The following SHANK2 variants were observed in gnomAD, a reference collection of about 807,000 sequenced individuals.
The protein encoded by SHANK2 is SH3 and multiple ankyrin repeat domains protein 2.
A neutral mutation model predicts 133.7 loss-of-function variants in SHANK2; 43 were observed. The ratio of observed to expected loss-of-function variants is 0.32; its 90% CI spans 0.25 to 0.41. SHANK2 has a LOEUF of 0.41. Ranked by LOEUF, SHANK2 falls within the 10% of genes least tolerant of loss-of-function variation. SHANK2 has a pLI of 1.00. For synonymous variants in SHANK2, 1,017 were observed against 952.8 expected, an observed-to-expected ratio of 1.07 and a Z score of -1.24; for missense variants, 1,994 against 2,235.8, an observed-to-expected ratio of 0.89 and a Z score of 2.18.
intron 14 of SHANK2, among the ~76,000 whole-genome samples, chr11:70,718,536 T>C (rs1184266735): frequency 6.6e-6 from 1 of 152,142 alleles, no homozygotes; most frequent in Non-Finnish European, 1.5e-5. Context: ...CAGTCCACCC[T>C]GCATCAGGGT....
intron 10 of SHANK2, among the ~76,000 whole-genome samples, chr11:70,924,457 T>A (rs1023571120): frequency 6.6e-6 from 1 of 152,166 alleles, no homozygotes; most frequent in Admixed American, 6.5e-5. Context: ...TGATACTTTT[T>A]TAAAAATTTT....
rs1262420878 is a variant in SHANK2, at chr11:70,500,837, G to A, written c.2288-247C>T. ...GCTCGTTAACCTACTGCCTGGCAGT[G>A]GAAAGGGGCTTTCCTTCTTCCTCAG... On this transcript the variant is annotated intron_variant, in intron 20 of 25. Transcript: ENST00000601538. The surrounding 1 kb of genome is among the most constrained non-coding windows in gnomAD (Gnocchi z 4.5). 12 of 713,862 alleles carry A rather than the reference G, an allele frequency of 1.7e-5. No homozygotes were observed. In the African/African-American group the frequency reaches 2.1e-4, roughly 12 times the overall value. The allele number at this position is 713,862 out of a possible 1,614,324, so 44.2% of individuals were successfully genotyped here. A position where few individuals can be genotyped will look rare whatever the true frequency, so the allele number is the denominator to read the frequency against.
intron 8 of SHANK2, among the ~76,000 whole-genome samples, chr11:71,083,719 A>T (rs1198790953): frequency 3.3e-5 from 5 of 152,234 alleles, no homozygotes; most frequent in African/African-American, 1.2e-4. Flanking sequence ...CATCCTCTCC[A>T]GGACCACACC....
At chr11:70,946,077 T>C (rs1453086340) in intron 10 of SHANK2, among the ~76,000 whole-genome samples, 144 of 87,440 alleles carry the variant, frequency 1.6e-3, no homozygotes, top group Middle Eastern at 0.012. Context: ...CCAACCCTTC[T>C]CAGGCTCAAC....
chr11:70,490,480 T>C (rs2058871728), intron 22 of SHANK2, 93 bp from the exon 23 acceptor site: 23 of 1,073,768 alleles, frequency 2.1e-5, no homozygotes, highest in Non-Finnish European at 2.9e-6. Context: ...CTTCCGTCAC[T>C]GTGGCTTCCC....
chr11:70,518,440 C>T (rs767126963), intron 17 of SHANK2, among the ~76,000 whole-genome samples: 2 of 152,220 alleles, frequency 1.3e-5, no homozygotes, highest in Admixed American at 6.5e-5. Context: ...TGAGGCACCG[C>T]GTCATGGCTC....
At chr11:71,187,340 T>G (rs1275455519) in intron 2 of SHANK2, among the ~76,000 whole-genome samples, 1 of 152,184 alleles carries the variant, frequency 6.6e-6, no homozygotes, top group African/African-American at 2.4e-5. Context: ...GGGTTTCTCA[T>G]GTTTTGTTTG....
At chr11:71,097,743 T>C (rs1436106614) in intron 6 of SHANK2, among the ~76,000 whole-genome samples, 1 of 124,736 alleles carries the variant, frequency 8.0e-6, no homozygotes, top group East Asian at 2.5e-4. Flanking sequence ...GGCACAGCAA[T>C]GGGGGGTGGG....
At chr11:70,632,140 T>C (rs2060999806) in intron 17 of SHANK2, among the ~76,000 whole-genome samples, 3 of 152,172 alleles carry the variant, frequency 2.0e-5, no homozygotes, top group Non-Finnish European at 4.4e-5. Flanking sequence ...GTTTTTGTTT[T>C]TGAGACAGTC....
chr11:70,589,632 A>G (rs2136263084), intron 17 of SHANK2, among the ~76,000 whole-genome samples: 1 of 152,352 alleles, frequency 6.6e-6, no homozygotes, highest in East Asian at 1.9e-4. Context: ...AGCTGCCATA[A>G]ATAGTGATTC....
intron 17 of SHANK2, among the ~76,000 whole-genome samples, chr11:70,620,539 G>A (rs1199981215): frequency 1.4e-5 from 2 of 142,968 alleles, no homozygotes; most frequent in Non-Finnish European, 1.5e-5. Context: ...CCCCCACCAT[G>A]GGCGCCTTCC....
intron 6 of SHANK2, among the ~76,000 whole-genome samples, chr11:71,098,962 G>C (rs782744944): frequency 6.6e-6 from 1 of 152,138 alleles, no homozygotes. Context: ...CCAGGAGATG[G>C]GGGGGCAGCA....
intron 11 of SHANK2, among the ~76,000 whole-genome samples, chr11:70,883,831 C>T (rs76354615): frequency 0.028 from 4,212 of 152,256 alleles, 188 homozygotes; most frequent in African/African-American, 0.097. Flanking sequence ...GGGGAGAAGG[C>T]GCTGAGGATG....
At chr11:71,087,801 T>G (rs1951438259) in intron 8 of SHANK2, among the ~76,000 whole-genome samples, 1 of 152,252 alleles carries the variant, frequency 6.6e-6, no homozygotes, top group South Asian at 2.1e-4. Context: ...GGCTAATTTT[T>G]GTATTTTTAG....
intron 18 of SHANK2, among the ~76,000 whole-genome samples, 192 bp downstream of exon 18, chr11:70,502,604 C>T (rs559667625): frequency 1.3e-3 from 192 of 152,240 alleles, no homozygotes; most frequent in African/African-American, 4.2e-3. Flanking sequence ...TGGATGATTC[C>T]GGCAGCGTGT....
In SHANK2 at chr11:71,252,060, G is replaced by C. The variant is rs1353177076; in HGVS notation, c.-113+365C>G. Among the ~76,000 whole-genome samples, 2 of 152,162 alleles carry C rather than the reference G, an allele frequency of 1.3e-5. No individual in the cohort carries two copies. The highest frequency in any genetic ancestry group is 4.8e-5 in the African/African-American group (2 of 41,462). ...AGGTCGCGCCACACGCGCTGTTCCA[G>C]AGGAAGGGGCAGGACGCGCCAGAGA... is the stretch of plus-strand genomic sequence containing the variant. On this transcript the variant is annotated intron_variant, in intron 1 of 25. Transcript: ENST00000601538. The surrounding 1 kb of genome is among the most constrained non-coding windows in gnomAD (Gnocchi z 6.3).
intron 10 of SHANK2, 108 bp downstream of exon 10, chr11:71,056,373 C>T (rs898528250): frequency 6.6e-6 from 1 of 152,218 alleles, no homozygotes; most frequent in African/African-American, 2.4e-5. Context: ...ACATCCGCAA[C>T]AAAACGAGCC....
chr11:70,557,270 C>T (rs782462066), intron 17 of SHANK2, among the ~76,000 whole-genome samples: 4 of 152,146 alleles, frequency 2.6e-5, no homozygotes, highest in Non-Finnish European at 5.9e-5. Flanking sequence ...CAACTGGCCT[C>T]AGGATCTCAC....
chr11:70,607,403 A>T (rs2060593102), intron 17 of SHANK2, among the ~76,000 whole-genome samples: 1 of 152,022 alleles, frequency 6.6e-6, no homozygotes, highest in Non-Finnish European at 1.5e-5. Flanking sequence ...TCCCCAACCA[A>T]GTACATGCTT....
Sources: allele counts gnomAD v4.1 joint callset (sites outside exome capture counted in the v4.1 genomes callset), GRCh38; gene constraint gnomAD v4.1.1; non-coding constraint Gnocchi (gnomAD v3.1); transcripts MANE v1.5; gene names NCBI Gene and HGNC (gene_info 2026-07-23, HGNC 2026-07-21).